Variants in DGKI observed in about 807,000 individuals in gnomAD.
The protein encoded by DGKI is DAG kinase iota.
Under a neutral mutation model 147.5 loss-of-function variants are expected in DGKI, and 55 were observed. The observed-to-expected ratio is 0.37, with a 90% CI of 0.30 to 0.47. The LOEUF is 0.47. DGKI is among the 20% of genes least tolerant of loss of function. The pLI is 1.00. For synonymous variants in DGKI, 469 were observed against 477.1 expected (o/e 0.98, Z 0.22); for missense variants, 1,007 against 1,323.8 (o/e 0.76, Z 3.71).
intron 29 of DGKI, 144 bp downstream of exon 29, chr7:137,412,026 C>T (rs1254941588): frequency 1.3e-6 from 1 of 788,972 alleles, no homozygotes; most frequent in Non-Finnish European, 2.1e-6. Context: ...GCTCAGTTCT[C>T]AAAAGAACAT....
intron 30 of DGKI, among the ~76,000 whole-genome samples, chr7:137,404,539 A>G (rs1357439492): frequency 2.0e-5 from 3 of 152,168 alleles, no homozygotes; most frequent in African/African-American, 4.8e-5. Flanking sequence ...TTTACAAACA[A>G]AAGAGATGGA....
At chr7:137,555,136 A>G (rs546644190) in intron 19 of DGKI, among the ~76,000 whole-genome samples, 347 of 151,770 alleles carry the variant, frequency 2.3e-3, no homozygotes, top group Non-Finnish European at 3.9e-3. Flanking sequence ...GGATGGTCTC[A>G]ATCTTCTGAC....
chr7:137,391,198 C>A lies in DGKI; in HGVS notation c.*22G>T. ...GCAGATGTGATACGCTTGCTCATGT[C>A]CTCTTTGCCCGAATACCAGGGTCAA... On this transcript the variant is annotated 3_prime_UTR_variant, in exon 33 of 33. Coordinates refer to ENST00000614521, the MANE Select transcript of DGKI (RefSeq NM_001321708.2). 6.3e-7 allele frequency: 1 copy of A among 1,583,584 alleles called. No individual in the cohort carries two copies. The highest frequency in any genetic ancestry group is 1.7e-5 in the Admixed American group (1 of 59,980).
chr7:137,758,610 T>C (rs1795759211), intron 1 of DGKI, among the ~76,000 whole-genome samples: 1 of 152,016 alleles, frequency 6.6e-6, no homozygotes, highest in Admixed American at 6.6e-5. Context: ...CACTTGAACC[T>C]GGGAAGCAGA....
At chr7:137,426,239 G>A (rs144804306) in intron 28 of DGKI, among the ~76,000 whole-genome samples, 51,626 of 152,044 alleles carry the variant, frequency 0.34, 9,738 homozygotes, top group East Asian at 0.65. Context: ...AGTGGGGGCC[G>A]ATATTCAACA....
intron 1 of DGKI, among the ~76,000 whole-genome samples, chr7:137,830,376 C>A (rs973475155): frequency 6.6e-6 from 1 of 152,210 alleles, no homozygotes; most frequent in Non-Finnish European, 1.5e-5. Flanking sequence ...GTGCCCCCCA[C>A]CACAGGAGAG....
At chr7:137,408,274 T>G (rs946879714) in intron 29 of DGKI, among the ~76,000 whole-genome samples, 2 of 152,236 alleles carry the variant, frequency 1.3e-5, no homozygotes, top group African/African-American at 4.8e-5. Context: ...TTCTGAGCAC[T>G]GGTCTCTATG....
chr7:137,692,479 T>A (rs1029865182), intron 1 of DGKI, among the ~76,000 whole-genome samples: 36 of 152,264 alleles, frequency 2.4e-4, no homozygotes, highest in South Asian at 1.5e-3. Context: ...TACAAAAAAA[T>A]TTTTTTAAGA....
chr7:137,761,044 A>T (rs1291243557), intron 1 of DGKI, among the ~76,000 whole-genome samples: 1 of 152,140 alleles, frequency 6.6e-6, no homozygotes, highest in Non-Finnish European at 1.5e-5. Context: ...TCCCATCTTA[A>T]AACGACATCC....
At chr7:137,763,980 A>G (rs1795933645) in intron 1 of DGKI, among the ~76,000 whole-genome samples, 1 of 152,234 alleles carries the variant, frequency 6.6e-6, no homozygotes, top group Non-Finnish European at 1.5e-5. Context: ...CTGCTTTGGC[A>G]TTTGTTCAGT....
rs549572187 is a variant in DGKI at position 137,384,628 on chromosome 7, T to C, written c.*6592A>G. 2 of 152,198 alleles carry C rather than the reference T, an allele frequency of 1.3e-5. No individual in the cohort carries two copies. The highest frequency in any genetic ancestry group is 2.4e-5 in the African/African-American group (1 of 41,546). The allele number at this position is 152,198 out of a possible 1,614,324, so 9.4% of individuals were successfully genotyped here. A position where few individuals can be genotyped will look rare whatever the true frequency, so the allele number is the denominator to read the frequency against. On this transcript the variant is annotated 3_prime_UTR_variant, in exon 33 of 33. Coordinates refer to ENST00000614521, the MANE Select transcript of DGKI (RefSeq NM_001321708.2). The stretch of plus-strand genomic sequence containing the variant: ...CATCTAAAATGTATTATATGCATTA[T>C]TCACCTCGTTGGGGTTGTTTTGAAC...
chr7:137,450,322 TGCATACGTTA>T lies in DGKI; in HGVS notation c.2736-6230_2736-6221del, dbSNP rs1813903052. ...TAAAATTTATAACTATGCATGGTAA[TGCATACGTTA>T]ATTAGCTACATAATTAATGGTTATA... On this transcript the variant is annotated intron_variant, in intron 27 of 32. Coordinates refer to ENST00000614521, the MANE Select transcript of DGKI (RefSeq NM_001321708.2). Among the ~76,000 whole-genome samples the T allele has an allele frequency of 2.6e-5, 4 of 152,248 alleles. 1 individual carries two copies. In the South Asian group the frequency reaches 8.3e-4, roughly 32 times the overall value.
chr7:137,587,524 C>A (rs1022957069), intron 12 of DGKI, among the ~76,000 whole-genome samples: 4 of 152,120 alleles, frequency 2.6e-5, no homozygotes, highest in African/African-American at 7.2e-5. Context: ...TATAACAGGG[C>A]ATAGGAGGGA....
At chr7:137,826,826 T>C (rs981130831) in intron 1 of DGKI, among the ~76,000 whole-genome samples, 1 of 152,156 alleles carries the variant, frequency 6.6e-6, no homozygotes, top group Non-Finnish European at 1.5e-5. Context: ...TGTATAGAAC[T>C]TAGGACAATG....
At chr7:137,534,811 GAA>G (rs1817462383) in intron 20 of DGKI, among the ~76,000 whole-genome samples, 1 of 152,106 alleles carries the variant, frequency 6.6e-6, no homozygotes, top group South Asian at 2.1e-4. Flanking sequence ...TTGGTAAGTT[GAA>G]GTTCTAACCC....
intron 28 of DGKI, among the ~76,000 whole-genome samples, chr7:137,439,447 G>T (rs957757677): frequency 6.6e-6 from 1 of 152,190 alleles, no homozygotes; most frequent in Non-Finnish European, 1.5e-5. Flanking sequence ...TTACATGGTG[G>T]CAGGCAAGAG....
chr7:137,425,101 T>G (rs2128908155), intron 28 of DGKI, among the ~76,000 whole-genome samples: 1 of 146,762 alleles, frequency 6.8e-6, no homozygotes, highest in Non-Finnish European at 1.5e-5. Flanking sequence ...AATGGGTCCC[T>G]GACCCCTGAC....
At chr7:137,680,831 G>T (rs1033731114) in intron 2 of DGKI, among the ~76,000 whole-genome samples, 2 of 152,092 alleles carry the variant, frequency 1.3e-5, no homozygotes, top group Non-Finnish European at 2.9e-5. Context: ...CATTTGCTGG[G>T]AAAAAATACC....
intron 6 of DGKI, among the ~76,000 whole-genome samples, chr7:137,626,886 C>T (rs1272109630): frequency 1.3e-5 from 2 of 152,130 alleles, no homozygotes; most frequent in Non-Finnish European, 2.9e-5. Flanking sequence ...TAAGTTTCTG[C>T]CTCCCATTCA....
Sources: allele counts gnomAD v4.1 joint callset (sites outside exome capture counted in the v4.1 genomes callset), GRCh38; gene constraint gnomAD v4.1.1; transcripts MANE v1.5; gene names NCBI Gene and HGNC (gene_info 2026-07-23, HGNC 2026-07-21).